SERPINB8: variants seen among roughly 807,000 people sequenced by gnomAD.
SERPINB8 encodes the protein serpin B8.
SERPINB8 carries 25 observed loss-of-function variants against 35.3 expected under a neutral mutation model. The observed-to-expected ratio is 0.71, with a 90% CI of 0.52 to 0.99. The LOEUF (loss-of-function observed/expected upper bound fraction) is 0.99, where lower values mean the gene tolerates loss of function less well. Ranked by LOEUF, SERPINB8 falls within the 50% of genes least tolerant of loss-of-function variation. SERPINB8 has a pLI of 0.00. For missense variants in SERPINB8, 484 were observed against 446.5 expected (o/e 1.08, Z -0.76); for synonymous variants, 186 against 160.8 (o/e 1.16, Z -1.19).
At chr18:64,004,096 T>C (rs1231878751) in intron 1 of SERPINB8, among the ~76,000 whole-genome samples, 1 of 152,238 alleles carries the variant, frequency 6.6e-6, no homozygotes, top group Non-Finnish European at 1.5e-5. Context: ...TAAAATAATC[T>C]CTTTTTAAAG....
downstream of SERPINB8, among the ~76,000 whole-genome samples, chr18:63,991,761 C>A (rs1047155180): frequency 6.6e-6 from 1 of 151,976 alleles, no homozygotes; most frequent in East Asian, 1.9e-4. Flanking sequence ...GGGGAAAGCA[C>A]GAAGGCTCCC....
chr18:63,986,443 C>T, intron 6 of SERPINB8: 2 of 1,425,836 alleles, frequency 1.4e-6, no homozygotes, highest in Non-Finnish European at 1.8e-6. Flanking sequence ...TGATTTAACC[C>T]TGAATAGTCC....
chr18:64,017,623 T>G (rs1421088138), intron 7 of SERPINB8, among the ~76,000 whole-genome samples: 2 of 152,120 alleles, frequency 1.3e-5, no homozygotes, highest in Non-Finnish European at 2.9e-5. Context: ...GGAAAAAAAC[T>G]TATTACTGAG....
intron 1 of SERPINB8, among the ~76,000 whole-genome samples, chr18:63,972,017 G>A (rs1346700550): frequency 6.7e-6 from 1 of 149,248 alleles, no homozygotes; most frequent in Non-Finnish European, 1.5e-5. Flanking sequence ...TTTGATATGT[G>A]GTTTTAATAA....
chr18:63,995,072 G>C (rs1176975880), intron 1 of SERPINB8, among the ~76,000 whole-genome samples: 1 of 152,160 alleles, frequency 6.6e-6, no homozygotes, highest in Non-Finnish European at 1.5e-5. Flanking sequence ...GGAGACTGAA[G>C]AGTTCCTCAC....
At chr18:63,986,809 A>C in intron 6 of SERPINB8, 65 bp from the exon 7 acceptor site, 1 of 1,470,840 alleles carries the variant, frequency 6.8e-7, no homozygotes, top group Non-Finnish European at 9.2e-7. Flanking sequence ...AGGGGTAATA[A>C]ATGGGTGTGT....
Position 63,987,102 on chromosome 18 carries a change from T to C in SERPINB8, c.949T>C (p.Cys317Arg). ...GCCTCTGTCCAAGGTTGCCCACAAG[T>C]GCTTCGTGGAGGTCAATGAGGAAGG... is the stretch of plus-strand genomic sequence containing the variant. ...NVPLSKVAHK[C>R]FVEVNEEGTE... Residue 317 changes from cysteine to arginine, a missense_variant, in exon 7 of 7, where the codon TGC becomes CGC. Coordinates refer to ENST00000397985, the MANE Select transcript of SERPINB8 (RefSeq NM_002640.4). 1.2e-6 allele frequency: 2 copies of C among 1,614,150 alleles called. No homozygotes were observed. The highest frequency in any genetic ancestry group is 1.7e-6 in the Non-Finnish European group (2 of 1,180,024).
intron 1 of SERPINB8, among the ~76,000 whole-genome samples, chr18:64,003,734 T>C (rs1341393355): frequency 6.6e-6 from 1 of 152,124 alleles, no homozygotes; most frequent in Admixed American, 6.6e-5. Context: ...AGGAGACTGA[T>C]GCTCCAATTC....
chr18:63,980,264 C>T (rs1218767437), intron 3 of SERPINB8, among the ~76,000 whole-genome samples: 1 of 152,186 alleles, frequency 6.6e-6, no homozygotes, highest in Non-Finnish European at 1.5e-5. Flanking sequence ...ATTCGGCTGC[C>T]TCCTGCTGAG....
At chr18:63,993,052 T>G (rs1649219786), downstream of SERPINB8, among the ~76,000 whole-genome samples, 1 of 152,220 alleles carries the variant, frequency 6.6e-6, no homozygotes, top group African/African-American at 2.4e-5. Context: ...CAGTTTGCTG[T>G]TTGATCATAT....
At chr18:63,984,941 A>G (rs2050727730) in intron 5 of SERPINB8, 152 bp from the exon 6 acceptor site, 2 of 673,198 alleles carry the variant, frequency 3.0e-6, no homozygotes, top group South Asian at 2.2e-5. Flanking sequence ...TCTATTCAAT[A>G]CTAAGATGTA....
Position 63,988,895 on chromosome 18 carries a change from T to G in SERPINB8, c.*1617T>G, listed in dbSNP as rs1310096759. ...AACACTTTAATTGACACAGAATACATTTCACATATTTAACCTCTACAATAA... is the reference window on the plus strand; with the variant it reads ...AACACTTTAATTGACACAGAATACAGTTCACATATTTAACCTCTACAATAA... On this transcript the variant is annotated 3_prime_UTR_variant, in exon 7 of 7. Coordinates refer to ENST00000397985, the MANE Select transcript of SERPINB8 (RefSeq NM_002640.4). 1.3e-5 allele frequency: 2 copies of G among 152,222 alleles called. No individual in the cohort carries two copies. The highest frequency in any genetic ancestry group is 4.8e-5 in the African/African-American group (2 of 41,458). 9.4% of individuals were successfully genotyped at this position (152,222 alleles called of 1,614,324 possible). A position where few individuals can be genotyped will look rare whatever the true frequency, so the allele number is the denominator to read the frequency against.
At chr18:64,010,457 A>G (rs1325986092), downstream of SERPINB8, among the ~76,000 whole-genome samples, 1 of 152,190 alleles carries the variant, frequency 6.6e-6, no homozygotes, top group African/African-American at 2.4e-5. Flanking sequence ...CAAGAAAAAT[A>G]AATAGAAATA....
At chr18:63,998,572 C>T (rs1440169468) in intron 1 of SERPINB8, among the ~76,000 whole-genome samples, 4 of 152,196 alleles carry the variant, frequency 2.6e-5, no homozygotes. Context: ...TCTCTAAGTG[C>T]ACTTCTCATT....
At chr18:64,003,313 G>A (rs932416351) in intron 1 of SERPINB8, among the ~76,000 whole-genome samples, 1 of 152,176 alleles carries the variant, frequency 6.6e-6, no homozygotes, top group Non-Finnish European at 1.5e-5. Flanking sequence ...TGATGGGTTA[G>A]TCTGAGGAAG....
In SERPINB8 at chr18:63,981,785, A is replaced by G; in HGVS notation, c.371A>G (p.Asp124Gly). 6.2e-7 allele frequency: 1 copy of G among 1,614,032 alleles called. No homozygotes were observed. The change falls in exon 4 of 7, where the codon GAC becomes GGC. Residue 124 changes from aspartate to glycine, a missense_variant. By Grantham distance (94) the Asp-to-Gly change is moderately conservative (BLOSUM62 -1). Coordinates refer to ENST00000397985, the MANE Select transcript of SERPINB8 (RefSeq NM_002640.4). ...CTGGAGGAGTTGTCCTTTGCTGAAG[A>G]CACTGAAGAGTGCAGGAAGCATATA... ...AELEELSFAE[D>G]TEECRKHIND...
intron 7 of SERPINB8, among the ~76,000 whole-genome samples, chr18:64,014,293 A>G (rs2050939655): frequency 6.6e-6 from 1 of 152,190 alleles, no homozygotes; most frequent in Admixed American, 6.5e-5. Context: ...TTATACAAGG[A>G]TTTGGGATAA....
chr18:63,981,734 A>G lies in SERPINB8; in HGVS notation c.320A>G (p.Tyr107Cys). The change falls in exon 4 of 7, where the codon TAC (tyrosine) becomes TGC (cysteine). Residue 107 changes from tyrosine to cysteine, a missense_variant. Physicochemically the swap from Tyr to Cys is radical, Grantham distance 194. Transcript: ENST00000397985. ...TTGTGTTTGCAGGACTTTAAAGAAT[A>G]CTGTCAGAAGTTCTATCAGGCAGAG... is the stretch of plus-strand genomic sequence containing the variant. Reference protein sequence around the residue: ...TCDFLPDFKEYCQKFYQAELE... With the variant: ...TCDFLPDFKECCQKFYQAELE... 1 of 1,612,028 alleles carries G rather than the reference A, an allele frequency of 6.2e-7. No individual in the cohort carries two copies. Among genetic ancestry groups the G allele is most frequent in the Non-Finnish European group, 8.5e-7 (1 of 1,178,306 alleles).
chr18:64,015,323 C>CAGTT (rs2050944950), intron 7 of SERPINB8, among the ~76,000 whole-genome samples: 1 of 152,164 alleles, frequency 6.6e-6, no homozygotes, highest in African/African-American at 2.4e-5. Context: ...GTAGGGAAGG[C>CAGTT]AGTTGCTAAC....
Sources: allele counts gnomAD v4.1 joint callset (sites outside exome capture counted in the v4.1 genomes callset), GRCh38; gene constraint gnomAD v4.1.1; transcripts MANE v1.5; gene names NCBI Gene and HGNC (gene_info 2026-07-23, HGNC 2026-07-21).